The following KCNT2 variants were observed in gnomAD, a reference collection of about 807,000 sequenced individuals.
The protein encoded by KCNT2 is potassium sodium-activated channel subfamily T member 2.
A neutral mutation model predicts 153.8 loss-of-function variants in KCNT2; 67 were observed. That is an observed-to-expected ratio of 0.44 (90% CI 0.36 to 0.53). The LOEUF is 0.53. Ranked by LOEUF, KCNT2 falls within the 20% of genes least tolerant of loss-of-function variation. KCNT2 has a pLI of 0.00. For synonymous variants in KCNT2, 500 were observed against 458.8 expected (o/e 1.09, Z -1.15); for missense variants, 975 against 1,354.8 (o/e 0.72, Z 4.40).
intron 12 of KCNT2, among the ~76,000 whole-genome samples, chr1:196,418,542 T>G (rs150759760): frequency 1.8e-4 from 27 of 152,122 alleles, no homozygotes; most frequent in Non-Finnish European, 3.7e-4. Flanking sequence ...TTCTCACAGT[T>G]CTGGCAACTG....
chr1:196,377,418 A>C (rs536921697), intron 13 of KCNT2, among the ~76,000 whole-genome samples: 2 of 152,108 alleles, frequency 1.3e-5, no homozygotes, highest in South Asian at 4.1e-4. Flanking sequence ...AGAGACAGTC[A>C]CAAAATTTAG....
At chr1:196,414,671 T>C (rs900795475) in intron 12 of KCNT2, among the ~76,000 whole-genome samples, 1 of 151,904 alleles carries the variant, frequency 6.6e-6, no homozygotes, top group Non-Finnish European at 1.5e-5. Context: ...TTTTGAACCA[T>C]GTTGAAGAGT....
At chr1:196,591,123 G>C (rs1340991484) in intron 1 of KCNT2, among the ~76,000 whole-genome samples, 1 of 152,092 alleles carries the variant, frequency 6.6e-6, no homozygotes, top group East Asian at 1.9e-4. Flanking sequence ...TGGGTCATGA[G>C]GGCGGATCCT....
rs370181392 is a variant in KCNT2 at position 196,272,236 on chromosome 1, TA to T, written c.2910+8623del. Among the ~76,000 whole-genome samples the T allele has an allele frequency of 2.9e-3, 445 of 151,894 alleles. 2 individuals carry two copies. Among genetic ancestry groups the T allele is most frequent in the Middle Eastern group, 0.01 (3 of 294 alleles). ...GATAGAGTAGCTTAAAATCCAGCAATAAAAATTTTTATTTGAAATAGTAGGC... is the reference window on the plus strand; with the variant it reads ...GATAGAGTAGCTTAAAATCCAGCAATAAAATTTTTATTTGAAATAGTAGGC... On this transcript the variant is annotated intron_variant, in intron 25 of 27. Coordinates refer to ENST00000294725, the MANE Select transcript of KCNT2 (RefSeq NM_198503.5).
chr1:196,483,332 C>T (rs1679163942), intron 3 of KCNT2, among the ~76,000 whole-genome samples: 1 of 152,158 alleles, frequency 6.6e-6, no homozygotes, highest in African/African-American at 2.4e-5. Context: ...CCACAATCAC[C>T]TTATTCTAAG....
intron 8 of KCNT2, among the ~76,000 whole-genome samples, chr1:196,457,438 A>G (rs1187912845): frequency 1.3e-5 from 2 of 151,240 alleles, no homozygotes; most frequent in Admixed American, 1.3e-4. Context: ...TGAAAAAGGC[A>G]TAATATGAGC....
At chr1:196,278,360 A>T (rs1658776764) in intron 25 of KCNT2, among the ~76,000 whole-genome samples, 1 of 152,190 alleles carries the variant, frequency 6.6e-6, no homozygotes, top group Non-Finnish European at 1.5e-5. Flanking sequence ...GGCAGAATTT[A>T]ATTTAATAAC....
At chr1:196,344,308 C>A (rs1665951910) in intron 14 of KCNT2, among the ~76,000 whole-genome samples, 1 of 152,068 alleles carries the variant, frequency 6.6e-6, no homozygotes, top group Admixed American at 6.6e-5. Context: ...TAAACCTAGT[C>A]GACTTACTAA....
At chr1:196,371,181 C>A (rs576925432) in intron 14 of KCNT2, among the ~76,000 whole-genome samples, 8 of 123,144 alleles carry the variant, frequency 6.5e-5, no homozygotes, top group African/African-American at 2.6e-4. Context: ...CCCAGGAGTT[C>A]GAGACTAGCC....
chr1:196,564,771 G>T (rs1659879654), intron 1 of KCNT2, among the ~76,000 whole-genome samples: 1 of 151,822 alleles, frequency 6.6e-6, no homozygotes, highest in Non-Finnish European at 1.5e-5. Flanking sequence ...TTCAATAAAT[G>T]GTGTTGGGAC....
At chr1:196,516,421 T>C (rs1466145868) in intron 1 of KCNT2, among the ~76,000 whole-genome samples, 1 of 143,986 alleles carries the variant, frequency 6.9e-6, no homozygotes, top group East Asian at 2.1e-4. Flanking sequence ...GGGCGGAATC[T>C]CTCCATCAAG....
chr1:196,273,737 T>C (rs2147840056), intron 25 of KCNT2, among the ~76,000 whole-genome samples: 1 of 151,908 alleles, frequency 6.6e-6, no homozygotes, highest in South Asian at 2.1e-4. Flanking sequence ...ATTGTAATAG[T>C]AGAGTGTTAA....
At chr1:196,374,372 A>G (rs1668776546) in intron 13 of KCNT2, among the ~76,000 whole-genome samples, 1 of 151,868 alleles carries the variant, frequency 6.6e-6, no homozygotes, top group East Asian at 1.9e-4. Context: ...CCCTGTTTTT[A>G]TAATATGATT....
At position 196,506,825 on chromosome 1, in the gene KCNT2, G is replaced by A. The variant is rs977651809; in HGVS notation, c.96-14484C>T. ...AATTATTTGTTGTTTATGGTATAAA[G>A]GGAGCTTTCCCACACCTGCTGTTCC... is the stretch of plus-strand genomic sequence containing the variant. On this transcript the variant is annotated intron_variant, in intron 1 of 27. Transcript: ENST00000294725. Among the ~76,000 whole-genome samples, 4 of 152,192 alleles carry A rather than the reference G, an allele frequency of 2.6e-5. No individual in the cohort carries two copies. The East Asian group carries it at 7.7e-4, about 29-fold the overall frequency.
chr1:196,399,019 T>C (rs1357940735), intron 12 of KCNT2, among the ~76,000 whole-genome samples: 1 of 151,440 alleles, frequency 6.6e-6, no homozygotes, highest in East Asian at 2.0e-4. Context: ...AAATCAAAAA[T>C]GTACATATAA....
chr1:196,601,824 T>G (rs552145546), intron 1 of KCNT2, among the ~76,000 whole-genome samples: 92 of 152,308 alleles, frequency 6.0e-4, no homozygotes, highest in African/African-American at 2.1e-3. Flanking sequence ...TCTAAAAGTC[T>G]TATTTCTTTG....
chr1:196,281,332 A>G (rs1659072086), intron 24 of KCNT2, among the ~76,000 whole-genome samples: 1 of 152,236 alleles, frequency 6.6e-6, no homozygotes, highest in Non-Finnish European at 1.5e-5. Context: ...CGTTATCAGT[A>G]GGCAATAGAG....
intron 14 of KCNT2, among the ~76,000 whole-genome samples, chr1:196,368,383 T>C (rs1244586654): frequency 6.6e-6 from 1 of 152,148 alleles, no homozygotes; most frequent in Non-Finnish European, 1.5e-5. Flanking sequence ...AATACTTGTG[T>C]ACATAGAAAA....
intron 1 of KCNT2, among the ~76,000 whole-genome samples, chr1:196,540,183 T>C (rs1656161011): frequency 6.6e-6 from 1 of 152,148 alleles, no homozygotes; most frequent in Non-Finnish European, 1.5e-5. Flanking sequence ...ATATGCACTT[T>C]TACATGTTTT....
Sources: gnomAD v4.1 joint callset for allele counts (sites outside exome capture counted in the v4.1 genomes callset) on GRCh38, gnomAD v4.1.1 for gene constraint, MANE v1.5 for transcripts, NCBI Gene and HGNC (gene_info 2026-07-23, HGNC 2026-07-21) for gene names.